PILRA: variants seen among roughly 807,000 people sequenced by gnomAD.
The protein encoded by PILRA is paired immunoglobulin-like type 2 receptor alpha.
Under a neutral mutation model 33.1 loss-of-function variants are expected in PILRA, and 37 were observed. The observed-to-expected ratio is 1.12, with a 90% confidence interval of 0.86 to 1.47. PILRA has a LOEUF of 1.47. Among genes scored for constraint, PILRA ranks in the 40% most tolerant of loss-of-function variants. The pLI is 0.00. For synonymous variants in PILRA, 146 were observed against 149.9 expected, an observed-to-expected ratio of 0.97 and a Z score of 0.19; for missense variants, 312 against 376.2, an observed-to-expected ratio of 0.83 and a Z score of 1.41.
intron 2 of PILRA, among the ~76,000 whole-genome samples, chr7:100,385,687 T>C (rs1413574197): frequency 2.0e-5 from 3 of 152,170 alleles, no homozygotes; most frequent in African/African-American, 4.8e-5. Flanking sequence ...TGGAGTGCAA[T>C]GACATGATCT....
At chr7:100,373,250 G>C (rs993755833), upstream of PILRA, among the ~76,000 whole-genome samples, 1 of 152,166 alleles carries the variant, frequency 6.6e-6, no homozygotes, top group Non-Finnish European at 1.5e-5. Context: ...AGCCTGCGCT[G>C]GCCCTGGGCA....
At chr7:100,383,162 G>A (rs1376501102) in intron 2 of PILRA, among the ~76,000 whole-genome samples, 2 of 152,198 alleles carry the variant, frequency 1.3e-5, no homozygotes, top group African/African-American at 4.8e-5. Context: ...AGACCTTAGA[G>A]TGAGGCACAC....
chr7:100,393,266 C>CGAGACTCT (rs1381128275), intron 3 of PILRA, among the ~76,000 whole-genome samples: 7 of 150,170 alleles, frequency 4.7e-5, no homozygotes, highest in Non-Finnish European at 8.9e-5. Flanking sequence ...GGTGATAGAG[C>CGAGACTCT]GAGACTCTGT....
chr7:100,375,930 T>C (rs1288207141), intron 2 of PILRA, among the ~76,000 whole-genome samples: 1 of 152,210 alleles, frequency 6.6e-6, no homozygotes, highest in African/African-American at 2.4e-5. Context: ...CGGGGAAATT[T>C]GAGCCTGGGT....
chr7:100,399,542 C>G (rs572150566), intron 5 of PILRA, 39 bp from the exon 6 acceptor site: 3 of 1,612,740 alleles, frequency 1.9e-6, no homozygotes, highest in Non-Finnish European at 2.5e-6. Context: ...CTGGCTGTCA[C>G]GCCACCTGAC....
intron 2 of PILRA, among the ~76,000 whole-genome samples, chr7:100,375,893 ATCT>A (rs1367590463): frequency 2.6e-5 from 4 of 152,296 alleles, no homozygotes; most frequent in Middle Eastern, 6.8e-3. Flanking sequence ...GCACTAATAG[ATCT>A]TCTGTTTTAT....
chr7:100,374,282 GA>G lies in PILRA; in HGVS notation c.304del (p.Thr102GlnfsTer62). 6.2e-7 allele frequency: 1 copy of G among 1,614,072 alleles called. No individual in the cohort carries two copies. The highest frequency in any genetic ancestry group is 2.2e-5 in the East Asian group (1 of 44,882). On this transcript the variant is annotated frameshift_variant, in exon 2 of 7. Coordinates refer to ENST00000198536, the MANE Select transcript of PILRA (RefSeq NM_013439.3). LOFTEE classifies it high-confidence loss of function. Reference protein sequence around the residue: ...DYVNRLFLNWTEGQKSGFLRI... With the variant: ...DYVNRLFLNWXEGQKSGFLRI... ...ATGTGAACCGGCTCTTTCTGAACTG[GA>G]CAGAGGGTCAGAAGAGCGGCTTCCT... is the stretch of plus-strand genomic sequence containing the variant.
chr7:100,379,024 C>CGGA (rs1791017134), intron 2 of PILRA, among the ~76,000 whole-genome samples: 1 of 143,844 alleles, frequency 7.0e-6, no homozygotes, highest in Admixed American at 7.3e-5. Context: ...ACCCAGGAGG[C>CGGA]GGAGCTTGCA....
Position 100,374,406 on chromosome 7 carries a change from G to A in PILRA, c.427G>A (p.Glu143Lys), listed in dbSNP as rs779293942. The A allele has an allele frequency of 7.1e-5, 114 of 1,613,932 alleles. No individual in the cohort carries two copies. The highest frequency in any genetic ancestry group is 1.6e-4 in the Middle Eastern group (1 of 6,084). The change falls in exon 2 of 7, where the codon GAG (glutamate) becomes AAG (lysine). Residue 143 changes from glutamate to lysine, a missense_variant. Transcript: ENST00000198536. ...SSGRQQWQSI[E>K]GTKLSITQAV... ...AGGGAGGCAGCAGTGGCAGTCCATCGAGGGGACCAAACTCTCCATCACCCA... is the reference window on the plus strand; with the variant it reads ...AGGGAGGCAGCAGTGGCAGTCCATCAAGGGGACCAAACTCTCCATCACCCA...
intron 5 of PILRA, 72 bp from the exon 6 acceptor site, chr7:100,399,509 A>G (rs1791600986): frequency 6.4e-7 from 1 of 1,560,016 alleles, no homozygotes; most frequent in African/African-American, 1.4e-5. Context: ...TCACTCCTAG[A>G]GCCCCCTGCC....
intron 2 of PILRA, among the ~76,000 whole-genome samples, chr7:100,382,259 A>G (rs1791122802): frequency 6.6e-6 from 1 of 152,206 alleles, no homozygotes; most frequent in African/African-American, 2.4e-5. Flanking sequence ...TACACCAATC[A>G]GCACTCTGTA....
chr7:100,392,741 T>G (rs34995835), intron 3 of PILRA, among the ~76,000 whole-genome samples: 118,443 of 152,168 alleles, frequency 0.78, 46,898 homozygotes, highest in African/African-American at 0.94. Context: ...TTGGTTAAAA[T>G]GTTTCTAATC....
At chr7:100,380,402 A>G (rs867572241) in intron 2 of PILRA, among the ~76,000 whole-genome samples, 2 of 152,264 alleles carry the variant, frequency 1.3e-5, no homozygotes, top group South Asian at 4.1e-4. Flanking sequence ...TCAGAAAGCT[A>G]AGAGACCTCG....
intron 2 of PILRA, among the ~76,000 whole-genome samples, chr7:100,378,285 G>A (rs1458931649): frequency 1.3e-5 from 2 of 152,126 alleles, no homozygotes; most frequent in Non-Finnish European, 2.9e-5. Context: ...CCAGGAGGTT[G>A]GGGCTGCAAT....
chr7:100,396,224 A>G (rs1381322056), intron 3 of PILRA, among the ~76,000 whole-genome samples: 1 of 152,238 alleles, frequency 6.6e-6, no homozygotes, highest in African/African-American at 2.4e-5. Context: ...TCTTGAAGAG[A>G]TATTGATACA....
At chr7:100,377,462 C>T (rs1790981399) in intron 2 of PILRA, among the ~76,000 whole-genome samples, 1 of 151,814 alleles carries the variant, frequency 6.6e-6, no homozygotes, top group African/African-American at 2.4e-5. Flanking sequence ...AGGATGGTCT[C>T]GATCTCCTGA....
intron 2 of PILRA, among the ~76,000 whole-genome samples, chr7:100,384,272 T>C (rs73401451): frequency 0.17 from 25,695 of 151,580 alleles, 2,326 homozygotes; most frequent in Non-Finnish European, 0.19. Flanking sequence ...GTTTTGGACA[T>C]CTTACGTTTG....
At chr7:100,376,295 T>C (rs1790945540) in intron 2 of PILRA, 3 of 152,056 alleles carry the variant, frequency 2.0e-5, no homozygotes, top group Non-Finnish European at 2.9e-5. Context: ...TTTGAGAGAT[T>C]TGGGTTTTTC....
chr7:100,383,069 A>AT (rs762311656), intron 2 of PILRA, among the ~76,000 whole-genome samples: 5 of 152,092 alleles, frequency 3.3e-5, no homozygotes, highest in Non-Finnish European at 7.4e-5. Context: ...TGGGACAGAG[A>AT]TTGCTAAGGG....
Sources: allele counts gnomAD v4.1 joint callset (sites outside exome capture counted in the v4.1 genomes callset), GRCh38; gene constraint gnomAD v4.1.1; transcripts MANE v1.5; gene names NCBI Gene and HGNC (gene_info 2026-07-23, HGNC 2026-07-21).